Variants in WWOX observed in about 807,000 individuals in gnomAD.
WWOX encodes the protein WW domain-containing oxidoreductase.
Under a neutral mutation model 46.2 loss-of-function variants are expected in WWOX, and 69 were observed. The observed-to-expected ratio is 1.49, with a 90% CI of 1.23 to 1.82. WWOX has a LOEUF of 1.82. WWOX is among the 40% of genes most tolerant of loss of function. The pLI is 0.00. For missense variants in WWOX, 919 were observed against 542.6 expected, an observed-to-expected ratio of 1.69 and a Z score of -6.89; for synonymous variants, 359 against 202.6, an observed-to-expected ratio of 1.77 and a Z score of -6.56.
chr16:78,989,335 T>C (rs2046839656), intron 8 of WWOX, among the ~76,000 whole-genome samples: 1 of 152,190 alleles, frequency 6.6e-6, no homozygotes, highest in South Asian at 2.1e-4. Context: ...TATATATATG[T>C]CTGATGAACT....
chr16:78,758,456 G>T (rs533668058), intron 8 of WWOX, among the ~76,000 whole-genome samples: 1 of 152,172 alleles, frequency 6.6e-6, no homozygotes, highest in African/African-American at 2.4e-5. Context: ...CCATAAATTG[G>T]TTAGGCATGT....
chr16:78,410,392 G>T (rs2082651869), intron 6 of WWOX, among the ~76,000 whole-genome samples: 1 of 152,250 alleles, frequency 6.6e-6, no homozygotes, highest in South Asian at 2.1e-4. Flanking sequence ...GGCTGTGGGG[G>T]TTAGGATGTG....
chr16:78,616,688 C>A (rs899251108), intron 8 of WWOX, among the ~76,000 whole-genome samples: 1 of 151,954 alleles, frequency 6.6e-6, no homozygotes, highest in Non-Finnish European at 1.5e-5. Context: ...ATTGCTTGAA[C>A]CTGGGAGGCA....
At position 78,996,377 on chromosome 16, in the gene WWOX, C is replaced by CCA. The variant is rs2046988989; in HGVS notation, c.1057-215230_1057-215229insAC. On this transcript the variant is annotated intron_variant, in intron 8 of 8. Transcript: ENST00000566780. ...AGAGTGTGAGTGAATTCTGCACCCA[C>CCA]CCCCGCCCCCCAGCTTCCCCACCTG... The CCA allele has an allele frequency of 5.3e-6, 3 of 570,880 alleles. No individual in the cohort carries two copies. The South Asian group carries it at 2.5e-4, about 48-fold the overall frequency. The allele number at this position is 570,880 out of a possible 1,614,324, so 35.4% of individuals were successfully genotyped here.
chr16:78,897,784 G>A (rs1339673078), intron 8 of WWOX: 4 of 152,034 alleles, frequency 2.6e-5, no homozygotes, highest in Non-Finnish European at 4.4e-5. Flanking sequence ...TTAACCCCCC[G>A]CTAGAAGTGT....
In WWOX at chr16:78,658,136, CAA is replaced by C. The variant is rs1357732997; in HGVS notation, c.1056+225385_1056+225386del. On this transcript the variant is annotated intron_variant, in intron 8 of 8. Coordinates refer to ENST00000566780, the MANE Select transcript of WWOX (RefSeq NM_016373.4). ...ATGCCAGTAGCATCTTCTATTTCCT[CAA>C]GTCTCAAAATACCAAAAACATTTGT... Among the ~76,000 whole-genome samples the C allele has an allele frequency of 4.6e-5, 7 of 152,224 alleles. No homozygotes were observed. The East Asian group carries it at 1.4e-3, about 29-fold the overall frequency.
chr16:78,802,407 G>A (rs1414830004), intron 8 of WWOX, among the ~76,000 whole-genome samples: 3 of 151,894 alleles, frequency 2.0e-5, no homozygotes, highest in Non-Finnish European at 4.4e-5. Context: ...GATAAATGCC[G>A]AGGAAGCAAG....
intron 8 of WWOX, among the ~76,000 whole-genome samples, chr16:78,878,586 T>G (rs145758690): frequency 1.4e-4 from 21 of 152,308 alleles, no homozygotes; most frequent in Admixed American, 8.5e-4. Flanking sequence ...TTTACAGGGT[T>G]GCTATGAGGA....
At chr16:79,101,930 A>C (rs1374513799) in intron 8 of WWOX, among the ~76,000 whole-genome samples, 1 of 150,338 alleles carries the variant, frequency 6.7e-6, no homozygotes, top group Non-Finnish European at 1.5e-5. Context: ...GATCCATGAG[A>C]TCCAAGCTAA....
At chr16:78,844,583 A>G (rs929725288) in intron 8 of WWOX, among the ~76,000 whole-genome samples, 1 of 152,326 alleles carries the variant, frequency 6.6e-6, no homozygotes, top group East Asian at 1.9e-4. Context: ...GCAACAGCAC[A>G]TGTGGAGGGA....
intron 5 of WWOX, among the ~76,000 whole-genome samples, chr16:78,185,330 C>G (rs1054616132): frequency 6.6e-6 from 1 of 152,174 alleles, no homozygotes; most frequent in South Asian, 2.1e-4. Flanking sequence ...CAAAGACCCT[C>G]CCGCCTCTGT....
chr16:78,791,531 T>G (rs117900066), intron 8 of WWOX, among the ~76,000 whole-genome samples: 5,468 of 152,240 alleles, frequency 0.036, 128 homozygotes, highest in Non-Finnish European at 0.052. Context: ...CAGATGGGTT[T>G]CACTGCTCTA....
intron 8 of WWOX, among the ~76,000 whole-genome samples, chr16:78,719,050 T>A (rs1464781561): frequency 6.6e-6 from 1 of 152,104 alleles, no homozygotes; most frequent in Non-Finnish European, 1.5e-5. Flanking sequence ...AGAACTTAGT[T>A]CCAACAGAGC....
At chr16:78,907,417 C>T (rs1393185967) in intron 8 of WWOX, among the ~76,000 whole-genome samples, 1 of 152,172 alleles carries the variant, frequency 6.6e-6, no homozygotes, top group Non-Finnish European at 1.5e-5. Flanking sequence ...CGTTTATGTC[C>T]ACTCTTTAGC....
rs1332883543 is a variant in WWOX, at chr16:78,275,047, A to G, written c.516+110758A>G. On this transcript the variant is annotated intron_variant, in intron 5 of 8. Coordinates refer to ENST00000566780, the MANE Select transcript of WWOX (RefSeq NM_016373.4). ...TCAGCAAGCACTGAGCTCCCATGAT[A>G]TAACAGGTTTTTTTCTTTTCCGAGC... 3.3e-5 allele frequency among the ~76,000 whole-genome samples: 5 copies of G among 152,194 alleles called. No homozygotes were observed. In the East Asian group the frequency reaches 9.6e-4, roughly 29 times the overall value.
At chr16:79,070,509 C>T (rs139832448) in intron 8 of WWOX, among the ~76,000 whole-genome samples, 3 of 152,244 alleles carry the variant, frequency 2.0e-5, no homozygotes, top group East Asian at 1.9e-4. Context: ...AAGGGTGGAG[C>T]GTCTGCCTTC....
At chr16:78,634,811 GGAGAGA>G (rs541433739) in intron 8 of WWOX, among the ~76,000 whole-genome samples, 95 of 127,956 alleles carry the variant, frequency 7.4e-4, no homozygotes, top group African/African-American at 2.7e-3. Context: ...GCACCCGACT[GGAGAGA>G]GAGAGAGAGA....
intron 5 of WWOX, among the ~76,000 whole-genome samples, chr16:78,224,058 C>T (rs150495616): frequency 6.6e-5 from 10 of 152,220 alleles, no homozygotes; most frequent in Admixed American, 1.3e-4. Flanking sequence ...GGCAGGAATG[C>T]AGTGGGGTGA....
intron 8 of WWOX, among the ~76,000 whole-genome samples, chr16:79,073,999 A>AG (rs199543772): frequency 7.0e-6 from 1 of 143,154 alleles, no homozygotes. Context: ...CAAAGGTCTG[A>AG]GGAAAAAAAA....
Sources: allele counts gnomAD v4.1 joint callset (sites outside exome capture counted in the v4.1 genomes callset), GRCh38; gene constraint gnomAD v4.1.1; transcripts MANE v1.5; gene names NCBI Gene and HGNC (gene_info 2026-07-23, HGNC 2026-07-21).